The following ZMYM4 variants were observed in gnomAD, a reference collection of about 807,000 sequenced individuals.
ZMYM4 encodes the protein zinc finger MYM-type protein 4.
Under a neutral mutation model 183.2 loss-of-function variants are expected in ZMYM4, and 31 were observed. The ratio of observed to expected loss-of-function variants is 0.17; its 90% confidence interval spans 0.13 to 0.23. The LOEUF (loss-of-function observed/expected upper bound fraction) is 0.23. ZMYM4 is among the 10% of genes least tolerant of loss of function. The pLI, the probability that ZMYM4 is intolerant of heterozygous loss-of-function variation, is 1.00. For missense variants in ZMYM4, 1,273 were observed against 1,840.3 expected (o/e 0.69, Z 5.64); for synonymous variants, 592 against 631.2 (o/e 0.94, Z 0.93).
At chr1:35,349,280 G>A (rs1643509190) in intron 2 of ZMYM4, among the ~76,000 whole-genome samples, 1 of 152,142 alleles carries the variant, frequency 6.6e-6, no homozygotes, top group Non-Finnish European at 1.5e-5. Flanking sequence ...GAGCTATGGT[G>A]TCCGGCCTGT....
At chr1:35,307,823 C>T (rs148513537) in intron 1 of ZMYM4, among the ~76,000 whole-genome samples, 8,762 of 149,534 alleles carry the variant, frequency 0.059, 627 homozygotes, top group African/African-American at 0.16. Flanking sequence ...CGTGAGCCAC[C>T]GCGCCTGGCT....
chr1:35,410,376 T>C (rs917012055), intron 26 of ZMYM4, among the ~76,000 whole-genome samples: 5 of 152,180 alleles, frequency 3.3e-5, no homozygotes, highest in Non-Finnish European at 5.9e-5. Flanking sequence ...TTATCAGATA[T>C]GTGATTTGCA....
At position 35,399,561 on chromosome 1, in the gene ZMYM4, C is replaced by A. The variant is rs1162306845; in HGVS notation, c.3513C>A (p.Pro1171=). ...GACGACGACACAGAGATGGCTTCCCCCAACCCAGACGAAGAGTAAGCTGCA... is the reference window on the plus strand; with the variant it reads ...GACGACGACACAGAGATGGCTTCCCACAACCCAGACGAAGAGTAAGCTGCA... ...RTRRRHRDGF[P]QPRRRGRKKS... The change falls in exon 23 of 30, where the codon CCC becomes CCA. Residue 1171 remains proline (P), a synonymous_variant. Transcript: ENST00000314607. 2 of 1,614,100 alleles carry A rather than the reference C, an allele frequency of 1.2e-6. No homozygotes were observed. Among genetic ancestry groups the A allele is most frequent in the Non-Finnish European group, 1.7e-6 (2 of 1,180,006 alleles).
In ZMYM4 at chr1:35,419,436, C is replaced by A. The variant is rs1006968287; in HGVS notation, c.4440-34C>A. On this transcript the variant is annotated intron_variant, in intron 29 of 29. Transcript: ENST00000314607. ...CCTATACTCTCTGATTTCTAATTTTCTTTTTTCTCTTTTTTTTTTTCCCCT... is the reference window on the plus strand; with the variant it reads ...CCTATACTCTCTGATTTCTAATTTTATTTTTTCTCTTTTTTTTTTTCCCCT... 6.3e-6 allele frequency: 10 copies of A among 1,597,794 alleles called. No homozygotes were observed. The Admixed American group carries it at 1.6e-4, about 25-fold the overall frequency.
At chr1:35,408,291 A>G in intron 26 of ZMYM4, 132 bp downstream of exon 26, 1 of 1,151,624 alleles carries the variant, frequency 8.7e-7, no homozygotes, top group Non-Finnish European at 1.2e-6. Context: ...GTTTTTAACA[A>G]CAAATTGGAA....
chr1:35,342,157 A>G (rs894955171), intron 2 of ZMYM4, among the ~76,000 whole-genome samples: 1 of 151,596 alleles, frequency 6.6e-6, no homozygotes. Flanking sequence ...GCATTTGTTC[A>G]TTTCATTTTT....
Position 35,389,850 on chromosome 1 carries a change from C to A in ZMYM4, c.2437-98C>A. ...ACAAACTAATTTTTTGATCTAAATT[C>A]TAAGTTAATTTCGTCACTTGTTATG... On this transcript the variant is annotated intron_variant, in intron 14 of 29. Transcript: ENST00000314607. The surrounding 1 kb of genome is among the most constrained non-coding windows in gnomAD (Gnocchi z 4.0). 8.0e-7 allele frequency: 1 copy of A among 1,242,764 alleles called. No homozygotes were observed. The highest frequency in any genetic ancestry group is 1.1e-6 in the Non-Finnish European group (1 of 909,822). 77.0% of individuals were successfully genotyped at this position (1,242,764 alleles called of 1,614,324 possible). A position where few individuals can be genotyped will look rare whatever the true frequency, so the allele number is the denominator to read the frequency against.
chr1:35,322,696 G>T (rs768852247), intron 1 of ZMYM4, among the ~76,000 whole-genome samples: 67 of 151,714 alleles, frequency 4.4e-4, no homozygotes, highest in Non-Finnish European at 6.8e-4. Context: ...TTTTTGTTTT[G>T]GTTTTGGTTT....
intron 5 of ZMYM4, among the ~76,000 whole-genome samples, chr1:35,364,357 G>A (rs1644017365): frequency 6.6e-6 from 1 of 152,098 alleles, no homozygotes; most frequent in African/African-American, 2.4e-5. Context: ...TTTGTTGTCA[G>A]CAATACCAGT....
At chr1:35,402,935 T>C (rs1431331605) in intron 23 of ZMYM4, among the ~76,000 whole-genome samples, 2 of 152,220 alleles carry the variant, frequency 1.3e-5, no homozygotes, top group Non-Finnish European at 2.9e-5. Flanking sequence ...AGCAGACCTT[T>C]TTGCCTTATT....
intron 5 of ZMYM4, among the ~76,000 whole-genome samples, chr1:35,366,294 AACTACT>A (rs756483597): frequency 1.3e-5 from 2 of 152,182 alleles, no homozygotes; most frequent in Non-Finnish European, 2.9e-5. Context: ...CATAGTAAGG[AACTACT>A]ACTTCAGATC....
At position 35,389,197 on chromosome 1, in the gene ZMYM4, GT is replaced by G. The variant is rs1644646983; in HGVS notation, c.2436+119del. 4.0e-6 allele frequency: 4 copies of G among 1,008,446 alleles called. No homozygotes were observed. The highest frequency in any genetic ancestry group is 5.6e-6 in the Non-Finnish European group (4 of 713,396). 62.5% of individuals were successfully genotyped at this position (1,008,446 alleles called of 1,614,324 possible). A position where few individuals can be genotyped will look rare whatever the true frequency, so the allele number is the denominator to read the frequency against. Reference sequence around the variant, plus strand: ...TATTTAAAACTTTTAAGTATTAAATGTTTTATGCCTTCTAGCAATTAATATA... The same window carrying G: ...TATTTAAAACTTTTAAGTATTAAATGTTTATGCCTTCTAGCAATTAATATA... On this transcript the variant is annotated intron_variant, in intron 14 of 29. Coordinates refer to ENST00000314607, the MANE Select transcript of ZMYM4 (RefSeq NM_005095.3). The surrounding 1 kb of genome is among the most constrained non-coding windows in gnomAD (Gnocchi z 4.0).
Position 35,381,358 on chromosome 1 carries a change from GA to G in ZMYM4, c.1290del (p.Lys430AsnfsTer6), listed in dbSNP as rs755663477. The part of the protein sequence containing the change: ...SQSCLSTYEL[K>X]KKPIVTINTN... ...AGTCATGTTTGTCAACATATGAACT[GA>G]AAAAAAAACCTATTGTTACCATAAA... On this transcript the variant is annotated frameshift_variant, in exon 8 of 30. Transcript: ENST00000314607. LOFTEE classifies it high-confidence loss of function. 7 of 1,601,338 alleles carry G rather than the reference GA, an allele frequency of 4.4e-6. No individual in the cohort carries two copies. Among genetic ancestry groups the G allele is most frequent in the Admixed American group, 1.7e-5 (1 of 58,682 alleles).
At position 35,302,200 on chromosome 1, in the gene ZMYM4, C is replaced by CTTTTTTTTTTTTT. The variant is rs576277396; in HGVS notation, c.40-23147_40-23135dup. On this transcript the variant is annotated intron_variant, in intron 1 of 29. Coordinates refer to ENST00000314607, the MANE Select transcript of ZMYM4 (RefSeq NM_005095.3). ...ATCCACAAGCTAAAAACGGCTCTTG[C>CTTTTTTTTTTTTT]TTTTTTTTTTTTTTTTTTTTTTTTT... is the stretch of plus-strand genomic sequence containing the variant. Among the ~76,000 whole-genome samples, 53 of 58,540 alleles carry CTTTTTTTTTTTTT rather than the reference C, an allele frequency of 9.1e-4. 7 individuals carry two copies. Among genetic ancestry groups the CTTTTTTTTTTTTT allele is most frequent in the African/African-American group, 3.2e-3 (49 of 15,516 alleles). The allele number at this position is 58,540 out of a possible 152,430, so 38.4% of individuals were successfully genotyped here.
chr1:35,398,887 G>A lies in ZMYM4; in HGVS notation c.3277G>A (p.Asp1093Asn). Residue 1093 changes from aspartate (D) to asparagine (N), a missense_variant, in exon 22 of 30, where the codon GAT becomes AAT. This residue lies in a region of ZMYM4 where 290 missense variants were observed against 353.3 expected (regional missense o/e 0.82). Transcript: ENST00000314607. ...AGACCAAGGAAGTACATACAGTGGT[G>A]ATCTTGAATCAGAGGCAGTATCTAC... is the stretch of plus-strand genomic sequence containing the variant. Reference protein sequence around the residue: ...EKDQGSTYSGDLESEAVSTPH... With the variant: ...EKDQGSTYSGNLESEAVSTPH... The A allele has an allele frequency of 6.2e-7, 1 of 1,614,130 alleles. No individual in the cohort carries two copies. The highest frequency in any genetic ancestry group is 8.5e-7 in the Non-Finnish European group (1 of 1,179,980).
rs547619497 is a variant in ZMYM4, at chr1:35,419,888, T to C, written c.*211T>C. 36 of 566,358 alleles carry C rather than the reference T, an allele frequency of 6.4e-5. No homozygotes were observed. Among genetic ancestry groups the C allele is most frequent in the African/African-American group, 3.6e-4 (19 of 53,264 alleles). 35.1% of individuals were successfully genotyped at this position (566,358 alleles called of 1,614,324 possible). A position where few individuals can be genotyped will look rare whatever the true frequency, so the allele number is the denominator to read the frequency against. ...TGAGAAATGTTCTTTGGCAGTGATA[T>C]AGTTCTTAGACATCTTCAGAATGAC... On this transcript the variant is annotated 3_prime_UTR_variant, in exon 30 of 30. Coordinates refer to ENST00000314607, the MANE Select transcript of ZMYM4 (RefSeq NM_005095.3).
At chr1:35,398,515 TA>T (rs1644848234) in intron 21 of ZMYM4, 49 bp downstream of exon 21, 1 of 1,495,156 alleles carries the variant, frequency 6.7e-7, no homozygotes, top group African/African-American at 1.4e-5. Flanking sequence ...TACCCTCTGT[TA>T]GAAACCTATA....
At chr1:35,354,742 A>AG (rs1409740101) in intron 2 of ZMYM4, among the ~76,000 whole-genome samples, 1 of 150,146 alleles carries the variant, frequency 6.7e-6, no homozygotes, top group East Asian at 1.9e-4. Flanking sequence ...AAAAAAAAAA[A>AG]AAAAAAAAAA....
Position 35,290,311 on chromosome 1 carries a change from C to T in ZMYM4, c.39+21226C>T, listed in dbSNP as rs113481946. ...GTCTTTTTAAAAATCATATTTTATT[C>T]AGCCATAACTACTAATTGTACTTAT... On this transcript the variant is annotated intron_variant, in intron 1 of 29. Transcript: ENST00000314607. Among the ~76,000 whole-genome samples the T allele has an allele frequency of 1.7e-3, 253 of 152,344 alleles. 3 individuals carry two copies. Among genetic ancestry groups the T allele is most frequent in the African/African-American group, 5.4e-3 (224 of 41,586 alleles).
Sources: allele counts gnomAD v4.1 joint callset (sites outside exome capture counted in the v4.1 genomes callset), GRCh38; gene constraint gnomAD v4.1.1; regional missense constraint gnomAD v4.1.1; non-coding constraint Gnocchi (gnomAD v3.1); transcripts MANE v1.5; gene names NCBI Gene and HGNC (gene_info 2026-07-23, HGNC 2026-07-21).